TRMT13: variants seen among roughly 807,000 people sequenced by gnomAD.
The protein encoded by TRMT13 is tRNA methyltransferase 13.
A neutral mutation model predicts 55.9 loss-of-function variants in TRMT13; 45 were observed. The ratio of observed to expected loss-of-function variants is 0.80; its 90% CI spans 0.63 to 1.03. The LOEUF (loss-of-function observed/expected upper bound fraction) is 1.03. Among genes scored for constraint, TRMT13 ranks in the 50% least tolerant of loss-of-function variants. The probability of loss-of-function intolerance (pLI) is 0.00; values close to 1 mark genes in which losing one functional copy is unlikely to be tolerated. For synonymous variants in TRMT13, 183 were observed against 196.3 expected, an observed-to-expected ratio of 0.93 and a Z score of 0.57; for missense variants, 513 against 563.9, an observed-to-expected ratio of 0.91 and a Z score of 0.91.
At chr1:100,142,684 G>C (rs1656770857) in intron 7 of TRMT13, among the ~76,000 whole-genome samples, 1 of 152,172 alleles carries the variant, frequency 6.6e-6, no homozygotes, top group Non-Finnish European at 1.5e-5. Context: ...GTTCACAATT[G>C]AGTATGTGTC....
At chr1:100,135,186 G>A (rs916968455) in intron 1 of TRMT13, among the ~76,000 whole-genome samples, 3 of 152,016 alleles carry the variant, frequency 2.0e-5, no homozygotes, top group Non-Finnish European at 4.4e-5. Context: ...TGCCCAAAAC[G>A]TCAATAGTGC....
At position 100,138,259 on chromosome 1, in the gene TRMT13, A is replaced by G. The variant is rs966399258; in HGVS notation, c.261+1174A>G. Reference sequence around the variant, plus strand: ...GGTGAACAATTTTTTTAAATTTTGTATACTAAATAAAAGTTAGTTGGTTAT... The same window carrying G: ...GGTGAACAATTTTTTTAAATTTTGTGTACTAAATAAAAGTTAGTTGGTTAT... On this transcript the variant is annotated intron_variant, in intron 3 of 10. Coordinates refer to ENST00000370141, the MANE Select transcript of TRMT13 (RefSeq NM_019083.3). 1.2e-4 allele frequency among the ~76,000 whole-genome samples: 18 copies of G among 152,332 alleles called. No homozygotes were observed. The East Asian group carries it at 3.5e-3, about 29-fold the overall frequency.
chr1:100,139,720 A>C lies in TRMT13; in HGVS notation c.324+9A>C, dbSNP rs1257089810. The C allele has an allele frequency of 1.4e-6, 2 of 1,448,638 alleles. No individual in the cohort carries two copies. Among genetic ancestry groups the C allele is most frequent in the Non-Finnish European group, 1.9e-6 (2 of 1,040,590 alleles). The allele number at this position is 1,448,638 out of a possible 1,614,324, so 89.7% of individuals were successfully genotyped here. ...AAATACCTGAACAATTAGTAAGTAC[A>C]TTGACTTAATATTTAATTTTAAAAG... is the stretch of plus-strand genomic sequence containing the variant. On this transcript the variant is annotated intron_variant, in intron 4 of 10. Coordinates refer to ENST00000370141, the MANE Select transcript of TRMT13 (RefSeq NM_019083.3).
intron 1 of TRMT13, among the ~76,000 whole-genome samples, chr1:100,135,919 A>G (rs1311290787): frequency 6.6e-6 from 1 of 152,168 alleles, no homozygotes; most frequent in Non-Finnish European, 1.5e-5. Flanking sequence ...CTATGTTTAG[A>G]TATGTTTAGA....
chr1:100,136,418 G>T (rs777947195), intron 1 of TRMT13, among the ~76,000 whole-genome samples: 1 of 152,012 alleles, frequency 6.6e-6, no homozygotes, highest in South Asian at 2.1e-4. Context: ...ACATTATGTT[G>T]TATTAAAACC....
chr1:100,148,614 A>G lies in TRMT13; in HGVS notation c.1251-11A>G. 1 of 1,591,736 alleles carries G rather than the reference A, an allele frequency of 6.3e-7. No individual in the cohort carries two copies. The highest frequency in any genetic ancestry group is 1.2e-5 in the South Asian group (1 of 85,964). On this transcript the variant is annotated splice_polypyrimidine_tract_variant and intron_variant, in intron 10 of 10. Transcript: ENST00000370141. ...TTTTAACAATGTTTTGTGTGTGTTTATTCAATTTAGGCTTCTTAGTGTTGA... is the reference window on the plus strand; with the variant it reads ...TTTTAACAATGTTTTGTGTGTGTTTGTTCAATTTAGGCTTCTTAGTGTTGA...
chr1:100,141,304 C>G (rs1027914162), intron 7 of TRMT13, among the ~76,000 whole-genome samples: 2 of 152,122 alleles, frequency 1.3e-5, no homozygotes, highest in Admixed American at 1.3e-4. Context: ...GTCTTGGGCT[C>G]TACTCCTATC....
At chr1:100,134,726 A>G (rs1400594595) in intron 1 of TRMT13, among the ~76,000 whole-genome samples, 1 of 152,232 alleles carries the variant, frequency 6.6e-6, no homozygotes, top group Non-Finnish European at 1.5e-5. Context: ...TTATCCAGAT[A>G]TATGGAAGGT....
Position 100,147,969 on chromosome 1 carries a change from G to A in TRMT13, c.893G>A (p.Arg298His), listed in dbSNP as rs779650558. 11 of 1,613,722 alleles carry A rather than the reference G, an allele frequency of 6.8e-6. No individual in the cohort carries two copies. The highest frequency in any genetic ancestry group is 1.7e-5 in the Admixed American group (1 of 59,910). Residue 298 changes from arginine (R) to histidine (H), a missense_variant, in exon 10 of 11, where the codon CGC becomes CAC. Physicochemically the swap from Arg to His is conservative, Grantham distance 29. Transcript: ENST00000370141. ...AGGAATGAAGAACCTTTAGCCAAAC[G>A]CATAAAGAATGATAAAACAGAAAAA... Reference protein sequence around the residue: ...EERNEEPLAKRIKNDKTEKEI... With the variant: ...EERNEEPLAKHIKNDKTEKEI...
In TRMT13 at chr1:100,148,126, T is replaced by C. The variant is rs1175793887; in HGVS notation, c.1050T>C (p.Tyr350=). ...CDWRHYVGKE[Y]FRALGLGAVE... ...GGAGACATTATGTGGGCAAAGAATA[T>C]TTCAGGGCTCTAGGCCTTGGAGCAG... The change falls in exon 10 of 11, where the codon TAT becomes TAC. Residue 350 remains tyrosine (Y), a synonymous_variant. Transcript: ENST00000370141. The C allele has an allele frequency of 1.2e-6, 2 of 1,614,214 alleles. No individual in the cohort carries two copies. The highest frequency in any genetic ancestry group is 1.7e-6 in the Non-Finnish European group (2 of 1,180,036).
In TRMT13 at chr1:100,140,916, T is replaced by C; in HGVS notation, c.566T>C (p.Phe189Ser). ...LLGPRRCFVEFGAGKGKLSHW... is the reference protein window; with the variant it reads ...LLGPRRCFVESGAGKGKLSHW... The stretch of plus-strand genomic sequence containing the variant: ...GGTCCAAGAAGATGCTTTGTTGAGT[T>C]TGGAGCGGGAAAGGGAAAATTATCT... Residue 189 changes from phenylalanine to serine, a missense_variant, in exon 7 of 11, where the codon TTT becomes TCT. Around this residue, in one of 3 missense-constraint regions of TRMT13, gnomAD observed 298 missense variants for 290.3 expected, o/e 1.03. Transcript: ENST00000370141. 6.2e-7 allele frequency: 1 copy of C among 1,613,826 alleles called. No individual in the cohort carries two copies. Among genetic ancestry groups the C allele is most frequent in the Non-Finnish European group, 8.5e-7 (1 of 1,179,848 alleles).
chr1:100,143,941 A>G, intron 8 of TRMT13, 128 bp from the exon 9 acceptor site: 1 of 711,724 alleles, frequency 1.4e-6, no homozygotes, highest in Non-Finnish European at 2.4e-6. Flanking sequence ...GGGTTCCATA[A>G]AGTGATAATT....
chr1:100,137,199 T>G, intron 3 of TRMT13, 114 bp downstream of exon 3: 3 of 917,114 alleles, frequency 3.3e-6, no homozygotes, highest in Non-Finnish European at 4.9e-6. Flanking sequence ...TCAGGAAATA[T>G]AATTTTTTTT....
At chr1:100,138,576 A>C (rs990849236) in intron 3 of TRMT13, among the ~76,000 whole-genome samples, 1 of 152,244 alleles carries the variant, frequency 6.6e-6, no homozygotes, top group Admixed American at 6.5e-5. Context: ...AGGTAAAGCT[A>C]GCAACACACA....
At position 100,133,326 on chromosome 1, in the gene TRMT13, GCCC is replaced by G. The variant is rs1655289150; in HGVS notation, c.147+12_147+14del. Reference sequence around the variant, plus strand: ...GCTGGAGCCGCGGAGGTGTGGTATCGCCCTACTCTCTCAAGAGTCGGAAATAAG... The same window carrying G: ...GCTGGAGCCGCGGAGGTGTGGTATCGTACTCTCTCAAGAGTCGGAAATAAG... On this transcript the variant is annotated intron_variant, in intron 1 of 10. Coordinates refer to ENST00000370141, the MANE Select transcript of TRMT13 (RefSeq NM_019083.3). 6.2e-7 allele frequency: 1 copy of G among 1,613,422 alleles called. No individual in the cohort carries two copies. The highest frequency in any genetic ancestry group is 1.1e-5 in the South Asian group (1 of 91,000).
chr1:100,140,870 A>G lies in TRMT13; in HGVS notation c.520A>G (p.Ile174Val). The G allele has an allele frequency of 6.2e-7, 1 of 1,613,046 alleles. No homozygotes were observed. ...TTTGCAGGCTTCTATTTTAGGTAAC[A>G]TTGAAAATTTAAAGTTACTTGGTCC... Reference protein sequence around the residue: ...LKQQASILGNIENLKLLGPRR... With the variant: ...LKQQASILGNVENLKLLGPRR... The change falls in exon 7 of 11, where the codon ATT (isoleucine) becomes GTT (valine). Residue 174 changes from isoleucine to valine, a missense_variant. Around this residue, in one of 3 missense-constraint regions of TRMT13, gnomAD observed 298 missense variants for 290.3 expected, o/e 1.03. Coordinates refer to ENST00000370141, the MANE Select transcript of TRMT13 (RefSeq NM_019083.3).
intron 1 of TRMT13, among the ~76,000 whole-genome samples, chr1:100,134,093 C>T (rs1269308044): frequency 6.6e-6 from 1 of 151,878 alleles, no homozygotes; most frequent in African/African-American, 2.4e-5. Flanking sequence ...AAATTTTTTT[C>T]GACTTACAGT....
At chr1:100,136,766 C>T (rs997198184) in intron 1 of TRMT13, 116 bp from the exon 2 acceptor site, 13 of 996,548 alleles carry the variant, frequency 1.3e-5, no homozygotes, top group Non-Finnish European at 1.9e-5. Flanking sequence ...TCATTATGTC[C>T]TTGTAAGGTT....
chr1:100,143,907 A>G (rs1366617245), intron 8 of TRMT13, among the ~76,000 whole-genome samples, 162 bp from the exon 9 acceptor site: 2 of 152,188 alleles, frequency 1.3e-5, no homozygotes, highest in Non-Finnish European at 2.9e-5. Context: ...TATGAACCCT[A>G]AACAAGTTCT....
Sources: gnomAD v4.1 joint callset for allele counts (sites outside exome capture counted in the v4.1 genomes callset) on GRCh38, gnomAD v4.1.1 for gene constraint, gnomAD v4.1.1 regional missense constraint, MANE v1.5 for transcripts, NCBI Gene and HGNC (gene_info 2026-07-23, HGNC 2026-07-21) for gene names.